Variants in SETBP1 observed in about 807,000 individuals in gnomAD.
SETBP1 encodes the protein SET binding protein 1.
In SETBP1, 9 loss-of-function variants were observed where a neutral mutation model predicts 101.0. The observed-to-expected ratio is 0.09, with a 90% CI of 0.05 to 0.16. The LOEUF (loss-of-function observed/expected upper bound fraction) is 0.16, where lower values mean the gene tolerates loss of function less well. Ranked by LOEUF, SETBP1 falls within the 10% of genes least tolerant of loss-of-function variation. The pLI is 1.00. For synonymous variants in SETBP1, 818 were observed against 788.5 expected, an observed-to-expected ratio of 1.04 and a Z score of -0.63; for missense variants, 1,858 against 2,033.8, an observed-to-expected ratio of 0.91 and a Z score of 1.66.
intron 2 of SETBP1, among the ~76,000 whole-genome samples, chr18:44,730,229 T>G (rs1374078864): frequency 6.6e-6 from 1 of 152,240 alleles, no homozygotes; most frequent in Non-Finnish European, 1.5e-5. Context: ...TAATATAGGT[T>G]CTGCCCTCAA....
Position 44,861,228 on chromosome 18 carries a change from T to A in SETBP1, c.487-8002T>A, listed in dbSNP as rs538555733. 2.7e-4 allele frequency among the ~76,000 whole-genome samples: 35 copies of A among 131,478 alleles called. 1 individual carries two copies. The highest frequency in any genetic ancestry group is 1.8e-3 in the South Asian group (7 of 3,996). The allele number at this position is 131,478 out of a possible 152,430, so 86.3% of individuals were successfully genotyped here. A position where few individuals can be genotyped will look rare whatever the true frequency, so the allele number is the denominator to read the frequency against. On this transcript the variant is annotated intron_variant, in intron 2 of 5. Coordinates refer to ENST00000649279, the MANE Select transcript of SETBP1 (RefSeq NM_015559.3). ...TGTCTTGTGGATTTCCTTTTTCTTT[T>A]CTTTTTTTTTTTTTTTTTTTTTTTT... is the stretch of plus-strand genomic sequence containing the variant.
At chr18:44,778,934 TGC>T in intron 2 of SETBP1, among the ~76,000 whole-genome samples, 1 of 8,046 alleles carries the variant, frequency 1.2e-4, no homozygotes, top group African/African-American at 3.0e-4. Context: ...GCCTTCGAGC[TGC>T]GAGCTGAGCA....
intron 3 of SETBP1, among the ~76,000 whole-genome samples, chr18:44,931,532 A>C (rs2070834180): frequency 6.6e-6 from 1 of 152,146 alleles, no homozygotes; most frequent in South Asian, 2.1e-4. Flanking sequence ...TAATGTTGAC[A>C]GTGGGGTGTT....
Position 45,038,524 on chromosome 18 carries a change from T to C in SETBP1, c.4040T>C (p.Val1347Ala). The C allele has an allele frequency of 6.2e-7, 1 of 1,614,148 alleles. No individual in the cohort carries two copies. The highest frequency in any genetic ancestry group is 8.5e-7 in the Non-Finnish European group (1 of 1,180,022). The stretch of plus-strand genomic sequence containing the variant: ...CACTTAAAAGTGGACCAGACAGCAG[T>C]GCATAGTAAGAACGAAGGCTCAGTG... ...SPHLKVDQTA[V>A]HSKNEGSVPT... is the part of the protein sequence containing the mutation. Residue 1347 changes from valine to alanine, a missense_variant, in exon 5 of 6, where the codon GTG (valine) becomes GCG (alanine). This residue lies in a region of SETBP1 where 417 missense variants were observed against 389.1 expected (regional missense o/e 1.07). Transcript: ENST00000649279.
intron 4 of SETBP1, among the ~76,000 whole-genome samples, chr18:44,995,906 G>C (rs564195911): frequency 6.6e-6 from 1 of 152,110 alleles, no homozygotes; most frequent in Non-Finnish European, 1.5e-5. Context: ...TCCCAACACC[G>C]TTACAATGGG....
At position 44,951,228 on chromosome 18, in the gene SETBP1, G is replaced by A; in HGVS notation, c.1888G>A (p.Ala630Thr). ...TKKRKRRRNL[A>T]KLAQLVPGED... ...GAAAAGAAAGCGACGACGCAATTTA[G>A]CGAAGTTGGCCCAGCTAGTGCCGGG... Residue 630 changes from alanine (A) to threonine (T), a missense_variant, in exon 4 of 6, where the codon GCG (alanine) becomes ACG (threonine). By Grantham distance (58) the Ala-to-Thr change is moderately conservative. Coordinates refer to ENST00000649279, the MANE Select transcript of SETBP1 (RefSeq NM_015559.3). The surrounding 1 kb of genome is among the most constrained non-coding windows in gnomAD (Gnocchi z 7.8). 2 of 1,614,112 alleles carry A rather than the reference G, an allele frequency of 1.2e-6. No homozygotes were observed. Among genetic ancestry groups the A allele is most frequent in the South Asian group, 1.1e-5 (1 of 91,084 alleles).
At chr18:44,750,462 A>C (rs1438692506) in intron 2 of SETBP1, among the ~76,000 whole-genome samples, 2 of 152,128 alleles carry the variant, frequency 1.3e-5, no homozygotes, top group Non-Finnish European at 2.9e-5. Flanking sequence ...ATATCATCAC[A>C]CTGGGGGTTA....
chr18:44,891,219 C>T (rs2069762119), intron 3 of SETBP1, among the ~76,000 whole-genome samples: 1 of 152,064 alleles, frequency 6.6e-6, no homozygotes, highest in Admixed American at 6.5e-5. Flanking sequence ...CTCCATGATT[C>T]AATTACCTCC....
chr18:44,785,545 T>C (rs944428569), intron 2 of SETBP1, among the ~76,000 whole-genome samples: 8 of 152,246 alleles, frequency 5.3e-5, no homozygotes, highest in Non-Finnish European at 1.2e-4. Flanking sequence ...AAGCTTTCTC[T>C]GGATACAAAT....
At chr18:44,982,674 A>G (rs1468408667) in intron 4 of SETBP1, among the ~76,000 whole-genome samples, 1 of 152,224 alleles carries the variant, frequency 6.6e-6, no homozygotes, top group African/African-American at 2.4e-5. Flanking sequence ...AGCAGAATAT[A>G]TGATGCTTCC....
At chr18:45,051,719 TC>T (rs1239073039) in intron 5 of SETBP1, among the ~76,000 whole-genome samples, 1 of 152,192 alleles carries the variant, frequency 6.6e-6, no homozygotes, top group East Asian at 1.9e-4. Flanking sequence ...ATCCTTAATG[TC>T]CTTAAATGTT....
rs145133915 is a variant in SETBP1, at chr18:44,950,830, C to A, written c.1490C>A (p.Pro497Gln). 1 of 1,614,052 alleles carries A rather than the reference C, an allele frequency of 6.2e-7. No individual in the cohort carries two copies. The highest frequency in any genetic ancestry group is 1.1e-5 in the South Asian group (1 of 91,068). The stretch of plus-strand genomic sequence containing the variant: ...GTTATCCCAGGAGGTGTGTCTAAGC[C>A]GCGGAAGCCACCCATGGTCATGACA... ...EKVIPGGVSK[P>Q]RKPPMVMTPP... is the part of the protein sequence containing the mutation. Residue 497 changes from proline (P) to glutamine (Q), a missense_variant, in exon 4 of 6, where the codon CCG becomes CAG. Transcript: ENST00000649279.
chr18:44,891,317 C>G (rs1301925344), intron 3 of SETBP1, among the ~76,000 whole-genome samples: 2 of 152,194 alleles, frequency 1.3e-5, no homozygotes, highest in Middle Eastern at 3.4e-3. Context: ...CACATCAATA[C>G]AAAATGAAAT....
intron 4 of SETBP1, among the ~76,000 whole-genome samples, chr18:45,010,760 A>G (rs1371945176): frequency 3.3e-5 from 5 of 152,184 alleles, no homozygotes; most frequent in Non-Finnish European, 5.9e-5. Context: ...ATAAATAAAT[A>G]CTCATGTTTT....
chr18:45,046,488 T>A (rs567186821), intron 5 of SETBP1, among the ~76,000 whole-genome samples: 5 of 152,326 alleles, frequency 3.3e-5, no homozygotes, highest in South Asian at 2.1e-4. Flanking sequence ...TGAAGATGAT[T>A]ATTCTTGAGT....
chr18:44,692,951 C>A (rs76270870), intron 1 of SETBP1, among the ~76,000 whole-genome samples: 14 of 152,270 alleles, frequency 9.2e-5, no homozygotes, highest in African/African-American at 3.4e-4. Context: ...AAAATGTGAT[C>A]AGGAACTTAC....
chr18:45,005,798 C>T (rs1199808226), intron 4 of SETBP1, among the ~76,000 whole-genome samples: 2 of 151,502 alleles, frequency 1.3e-5, no homozygotes, highest in Admixed American at 6.6e-5. Context: ...AGGCGCCTGC[C>T]ACCACGCCCG....
At chr18:44,906,745 CAAG>C (rs951055341) in intron 3 of SETBP1, among the ~76,000 whole-genome samples, 235 of 152,208 alleles carry the variant, frequency 1.5e-3, no homozygotes, top group African/African-American at 4.9e-3. Context: ...TAAATGCACT[CAAG>C]AAGAGGACTA....
At position 44,971,018 on chromosome 18, in the gene SETBP1, CT is replaced by C. The variant is rs1432430664; in HGVS notation, c.4000+17679del. ...TATCTCCTAATGCTATGCCTCCCCC[CT>C]CTCCCCTTCCCCCACCCCACAACAG... is the stretch of plus-strand genomic sequence containing the variant. On this transcript the variant is annotated intron_variant, in intron 4 of 5. Transcript: ENST00000649279. Among the ~76,000 whole-genome samples, 5 of 152,122 alleles carry C rather than the reference CT, an allele frequency of 3.3e-5. No individual in the cohort carries two copies. In the East Asian group the frequency reaches 5.8e-4, roughly 18 times the overall value.
Sources: gnomAD v4.1 joint callset for allele counts (sites outside exome capture counted in the v4.1 genomes callset) on GRCh38, gnomAD v4.1.1 for gene constraint, gnomAD v4.1.1 regional missense constraint, Gnocchi (gnomAD v3.1) non-coding constraint, MANE v1.5 for transcripts, NCBI Gene and HGNC (gene_info 2026-07-23, HGNC 2026-07-21) for gene names.